Variants in PPP1R12A observed in about 807,000 individuals in gnomAD.
The protein encoded by PPP1R12A is protein phosphatase 1 regulatory subunit 12A.
In PPP1R12A, 19 loss-of-function variants were observed where a neutral mutation model predicts 139.6. The ratio of observed to expected loss-of-function variants is 0.14; its 90% CI spans 0.09 to 0.20. The LOEUF is 0.20. Ranked by LOEUF, PPP1R12A falls within the 10% of genes least tolerant of loss-of-function variation. The probability of loss-of-function intolerance (pLI) is 1.00; values close to 1 mark genes in which losing one functional copy is unlikely to be tolerated. For synonymous variants in PPP1R12A, 427 were observed against 420.6 expected (o/e 1.02, Z -0.19); for missense variants, 925 against 1,211.5 (o/e 0.76, Z 3.51).
chr12:79,788,937 G>A (rs1002539654), intron 20 of PPP1R12A, among the ~76,000 whole-genome samples, 154 bp from the exon 21 acceptor site: 1 of 152,050 alleles, frequency 6.6e-6, no homozygotes, highest in Admixed American at 6.5e-5. Context: ...TAATAAGTGG[G>A]AAGTTATTTT....
intron 23 of PPP1R12A, chr12:79,779,604 ATCTT>A (rs1870168817): frequency 6.0e-6 from 2 of 330,776 alleles, no homozygotes; most frequent in South Asian, 2.5e-5. Flanking sequence ...CAATACATAG[ATCTT>A]TCTTCTACTA....
At position 79,796,828 on chromosome 12, in the gene PPP1R12A, G is replaced by A. The variant is rs1386685398; in HGVS notation, c.2415C>T (p.Gly805=). ...TTCCTCTGGAGTAAGCAGAAGTTAT[G>A]CCTACAAGACTATTTGGCCTGTTTA... ...SQLNRPNSLV[G]ITSAYSRGIT... Residue 805 remains glycine, a synonymous_variant, in exon 17 of 25, where the codon GGC becomes GGT. Coordinates refer to ENST00000450142, the MANE Select transcript of PPP1R12A (RefSeq NM_002480.3). 6.2e-7 allele frequency: 1 copy of A among 1,611,432 alleles called. No homozygotes were observed. The highest frequency in any genetic ancestry group is 1.7e-5 in the Admixed American group (1 of 59,926).
chr12:79,868,173 T>C (rs1882189500), intron 2 of PPP1R12A, among the ~76,000 whole-genome samples: 1 of 152,266 alleles, frequency 6.6e-6, no homozygotes, highest in African/African-American at 2.4e-5. Context: ...AACTTGGTTT[T>C]CAATGCTTTG....
chr12:79,786,344 T>G, intron 22 of PPP1R12A, 30 bp downstream of exon 22: 32 of 1,340,004 alleles, frequency 2.4e-5, no homozygotes, highest in African/African-American at 4.5e-5. Flanking sequence ...ACCATTACCT[T>G]GAGAGTAACA....
At chr12:79,871,110 A>T (rs1435237418) in intron 2 of PPP1R12A, among the ~76,000 whole-genome samples, 1 of 152,222 alleles carries the variant, frequency 6.6e-6, no homozygotes, top group Admixed American at 6.5e-5. Context: ...TGGGAAATTC[A>T]GAAGAAAAAA....
At chr12:79,785,442 GT>G (rs892793362) in intron 22 of PPP1R12A, among the ~76,000 whole-genome samples, 4 of 151,984 alleles carry the variant, frequency 2.6e-5, no homozygotes, top group Admixed American at 2.0e-4. Context: ...TTTTGTTGTT[GT>G]TTTTTTAGAA....
chr12:79,813,420 G>T (rs1037819933), intron 9 of PPP1R12A, among the ~76,000 whole-genome samples: 1 of 152,042 alleles, frequency 6.6e-6, no homozygotes, highest in African/African-American at 2.4e-5. Flanking sequence ...TGTACGTTTC[G>T]ATTGGACTAC....
Position 79,896,398 on chromosome 12 carries a change from A to C in PPP1R12A, c.238-23460T>G, listed in dbSNP as rs1592788331. 2.6e-5 allele frequency among the ~76,000 whole-genome samples: 4 copies of C among 152,240 alleles called. No homozygotes were observed. In the South Asian group the frequency reaches 8.3e-4, roughly 32 times the overall value. ...ACCCAGGCTGGAGTGCAGTGGCTCG[A>C]ACATAGCTCACTGTAGCCTCAACTT... On this transcript the variant is annotated intron_variant, in intron 1 of 24. Transcript: ENST00000450142.
intron 22 of PPP1R12A, among the ~76,000 whole-genome samples, chr12:79,784,769 T>C (rs1177427034): frequency 2.6e-5 from 4 of 152,134 alleles, no homozygotes; most frequent in Non-Finnish European, 4.4e-5. Flanking sequence ...CCCAAGTAGC[T>C]GGGACTACAG....
chr12:79,805,716 C>T lies in PPP1R12A; in HGVS notation c.1876G>A (p.Val626Ile). 3 of 1,613,460 alleles carry T rather than the reference C, an allele frequency of 1.9e-6. No individual in the cohort carries two copies. The highest frequency in any genetic ancestry group is 2.5e-6 in the Non-Finnish European group (3 of 1,179,588). Residue 626 changes from valine (V) to isoleucine (I), a missense_variant, in exon 14 of 25, where the codon GTT becomes ATT. Transcript: ENST00000450142. ...ACAGGAATGGTCACTGCCGTAGGAA[C>T]ACTGTCCTTTTCTTTCTCAGTACTA... ...EDSTEKEKDS[V>I]PTAVTIPVAP...
chr12:79,851,790 G>C (rs967612811), intron 2 of PPP1R12A, among the ~76,000 whole-genome samples: 1 of 152,158 alleles, frequency 6.6e-6, no homozygotes, highest in Non-Finnish European at 1.5e-5. Context: ...TTTTGCTACA[G>C]TCCCTGAGGC....
Position 79,797,338 on chromosome 12 carries a change from T to C in PPP1R12A, c.2149A>G (p.Thr717Ala), listed in dbSNP as rs541419329. Reference protein sequence around the residue: ...AEKTIGRSRSTRTREQENEEK... With the variant: ...AEKTIGRSRSARTREQENEEK... ...TCATTTTCTTGTTCTCTGGTTCGGG[T>C]AGAACGACTTCTTCCTATTGTTTTC... is the stretch of plus-strand genomic sequence containing the variant. Residue 717 changes from threonine (T) to alanine (A), a missense_variant, in exon 16 of 25, where the codon ACC (threonine) becomes GCC (alanine). By Grantham distance (58) the Thr-to-Ala change is moderately conservative (BLOSUM62 0). This residue lies in a region of PPP1R12A where 315 missense variants were observed against 363.4 expected (regional missense o/e 0.87). Transcript: ENST00000450142. The C allele has an allele frequency of 3.7e-6, 6 of 1,602,930 alleles. No individual in the cohort carries two copies. In the South Asian group the frequency reaches 6.7e-5, roughly 18 times the overall value.
chr12:79,934,685 GC>G lies in PPP1R12A; in HGVS notation c.237+9del, dbSNP rs1310773092. On this transcript the variant is annotated intron_variant, in intron 1 of 24. Transcript: ENST00000450142. ...CACGGTCAGGAGAGCCGGCGGCGGG[GC>G]GCACAGACCTGGTGCAGGGCAGTGA... 28 of 1,513,112 alleles carry G rather than the reference GC, an allele frequency of 1.9e-5. No individual in the cohort carries two copies. In the Admixed American group the frequency reaches 5.8e-4, roughly 31 times the overall value. 93.7% of individuals were successfully genotyped at this position (1,513,112 alleles called of 1,614,324 possible). A position where few individuals can be genotyped will look rare whatever the true frequency, so the allele number is the denominator to read the frequency against.
intron 1 of PPP1R12A, among the ~76,000 whole-genome samples, chr12:79,889,116 G>A (rs544880196): frequency 1.3e-5 from 2 of 152,172 alleles, no homozygotes; most frequent in Non-Finnish European, 2.9e-5. Flanking sequence ...TTTGCAAAGT[G>A]AAAAGAACAA....
At chr12:79,898,202 C>A (rs1885303921) in intron 1 of PPP1R12A, among the ~76,000 whole-genome samples, 1 of 152,194 alleles carries the variant, frequency 6.6e-6, no homozygotes, top group Admixed American at 6.5e-5. Flanking sequence ...GTAATCCTGG[C>A]ACTTTGGGAG....
At chr12:79,910,778 A>G (rs1365661383) in intron 1 of PPP1R12A, among the ~76,000 whole-genome samples, 1 of 152,240 alleles carries the variant, frequency 6.6e-6, no homozygotes, top group African/African-American at 2.4e-5. Flanking sequence ...AGTGTTAAGT[A>G]TATGTAGCTA....
chr12:79,803,753 GA>G (rs749575686), intron 14 of PPP1R12A, among the ~76,000 whole-genome samples: 3 of 152,150 alleles, frequency 2.0e-5, no homozygotes, highest in Non-Finnish European at 4.4e-5. Context: ...ATATAGACGA[GA>G]AAAAATGTTG....
chr12:79,887,018 T>A (rs1291911107), intron 1 of PPP1R12A, among the ~76,000 whole-genome samples: 2 of 152,152 alleles, frequency 1.3e-5, no homozygotes, highest in Non-Finnish European at 2.9e-5. Flanking sequence ...AACTTCAGGG[T>A]CATTCTTTCA....
chr12:79,836,329 C>T (rs570111066), intron 3 of PPP1R12A, among the ~76,000 whole-genome samples: 1 of 152,194 alleles, frequency 6.6e-6, no homozygotes, highest in African/African-American at 2.4e-5. Flanking sequence ...ATGTTACTCT[C>T]TTACTGTCTT....
Sources: gnomAD v4.1 joint callset for allele counts (sites outside exome capture counted in the v4.1 genomes callset) on GRCh38, gnomAD v4.1.1 for gene constraint, gnomAD v4.1.1 regional missense constraint, MANE v1.5 for transcripts, NCBI Gene and HGNC (gene_info 2026-07-23, HGNC 2026-07-21) for gene names.